The following LRRC4C variants were observed in gnomAD, a reference collection of about 807,000 sequenced individuals.
LRRC4C encodes leucine-rich repeat-containing protein 4C.
In LRRC4C, 5 loss-of-function variants were observed where a neutral mutation model predicts 33.6. The ratio of observed to expected loss-of-function variants is 0.15; its 90% CI spans 0.08 to 0.31. The LOEUF is 0.31. Among genes scored for constraint, LRRC4C ranks in the 10% least tolerant of loss-of-function variants. The pLI is 1.00. For synonymous variants in LRRC4C, 329 were observed against 302.0 expected (o/e 1.09, Z -0.93); for missense variants, 560 against 796.7 (o/e 0.70, Z 3.58).
chr11:40,584,737 GC>G lies in LRRC4C; in HGVS notation c.-270+63404del, dbSNP rs539153346. ...AGCTGAGGTCAGGAGTTGAAGAACA[GC>G]CTGGCCAATATGGTAAAACCCCATC... On this transcript the variant is annotated intron_variant, in intron 3 of 6. Transcript: ENST00000528697. 3.3e-3 allele frequency among the ~76,000 whole-genome samples: 506 copies of G among 151,986 alleles called. 4 individuals are homozygous for G. The highest frequency in any genetic ancestry group is 0.012 in the African/African-American group (485 of 41,478).
Position 41,062,930 on chromosome 11 carries a change from TGA to T in LRRC4C, c.-495-129209_-495-129208del, listed in dbSNP as rs149010920. 3.8e-3 allele frequency among the ~76,000 whole-genome samples: 566 copies of T among 147,528 alleles called. 4 individuals carry two copies. Among genetic ancestry groups the T allele is most frequent in the South Asian group, 0.032 (150 of 4,668 alleles). On this transcript the variant is annotated intron_variant, in intron 1 of 6. Transcript: ENST00000528697. ...AAGGATTTCTAGCAACCACCAGAAA[TGA>T]GAGAGAGAGAGAGAGAGAGTGAGCC... is the stretch of plus-strand genomic sequence containing the variant.
chr11:40,875,087 A>G (rs1157898648), intron 2 of LRRC4C, among the ~76,000 whole-genome samples: 1 of 152,188 alleles, frequency 6.6e-6, no homozygotes, highest in Non-Finnish European at 1.5e-5. Flanking sequence ...AACATTTATT[A>G]TTATTATTTT....
At chr11:40,971,396 G>C (rs1851717840) in intron 1 of LRRC4C, among the ~76,000 whole-genome samples, 1 of 152,214 alleles carries the variant, frequency 6.6e-6, no homozygotes, top group Non-Finnish European at 1.5e-5. Flanking sequence ...AGAGCAAGCT[G>C]TAAGTCTGTT....
At chr11:40,950,733 G>A (rs939666260) in intron 1 of LRRC4C, among the ~76,000 whole-genome samples, 3 of 151,954 alleles carry the variant, frequency 2.0e-5, no homozygotes, top group Non-Finnish European at 4.4e-5. Context: ...ACCCAAGTAA[G>A]TTTATTTCCC....
chr11:40,823,597 G>A (rs527296979), intron 2 of LRRC4C, among the ~76,000 whole-genome samples: 2 of 151,698 alleles, frequency 1.3e-5, no homozygotes, highest in Admixed American at 6.6e-5. Context: ...ACATGAAAAT[G>A]TTCAGCATCT....
chr11:41,324,423 T>G (rs972355464), intron 1 of LRRC4C, among the ~76,000 whole-genome samples: 4 of 151,976 alleles, frequency 2.6e-5, no homozygotes, highest in East Asian at 3.9e-4. Flanking sequence ...AGAGTGAAAC[T>G]CCCTCTCAAA....
chr11:40,979,203 T>C (rs1852320768), intron 1 of LRRC4C, among the ~76,000 whole-genome samples: 2 of 152,172 alleles, frequency 1.3e-5, no homozygotes, highest in Non-Finnish European at 2.9e-5. Context: ...TGCAGTATCT[T>C]CCCTCATAAT....
intron 2 of LRRC4C, among the ~76,000 whole-genome samples, chr11:40,678,989 C>G (rs1380414149): frequency 5.3e-5 from 8 of 152,120 alleles, no homozygotes; most frequent in Admixed American, 4.6e-4. Context: ...TTGGAACTCC[C>G]TACACACTTG....
At chr11:40,391,889 A>C (rs558077412) in intron 3 of LRRC4C, among the ~76,000 whole-genome samples, 124 of 152,330 alleles carry the variant, frequency 8.1e-4, no homozygotes, top group African/African-American at 2.9e-3. Context: ...AATTGGAAAC[A>C]ATCAAGCTGT....
intron 1 of LRRC4C, among the ~76,000 whole-genome samples, chr11:41,392,295 C>T (rs928215542): frequency 6.6e-6 from 1 of 151,786 alleles, no homozygotes; most frequent in African/African-American, 2.4e-5. Context: ...CCTCTTTTTG[C>T]ATCTTGAATG....
At chr11:41,339,984 A>C (rs1309715496) in intron 1 of LRRC4C, among the ~76,000 whole-genome samples, 1 of 152,232 alleles carries the variant, frequency 6.6e-6, no homozygotes, top group African/African-American at 2.4e-5. Flanking sequence ...ATATATGTGA[A>C]GGGCTCCAGA....
At chr11:41,330,568 A>G (rs955561804) in intron 1 of LRRC4C, among the ~76,000 whole-genome samples, 1 of 151,872 alleles carries the variant, frequency 6.6e-6, no homozygotes, top group African/African-American at 2.4e-5. Flanking sequence ...TCAGATGCAG[A>G]TTGTTTTTTC....
At chr11:41,023,630 A>C (rs1008590016) in intron 1 of LRRC4C, among the ~76,000 whole-genome samples, 3 of 151,794 alleles carry the variant, frequency 2.0e-5, no homozygotes, top group African/African-American at 7.2e-5. Flanking sequence ...AGCCAGGAGA[A>C]TATATTAAAA....
chr11:41,284,199 A>C (rs779090254), intron 1 of LRRC4C, among the ~76,000 whole-genome samples: 1 of 152,238 alleles, frequency 6.6e-6, no homozygotes, highest in Non-Finnish European at 1.5e-5. Flanking sequence ...TCCCAAGTTT[A>C]CTATACTTAC....
At chr11:40,350,551 C>G (rs1947336607) in intron 3 of LRRC4C, among the ~76,000 whole-genome samples, 1 of 152,020 alleles carries the variant, frequency 6.6e-6, no homozygotes, top group Non-Finnish European at 1.5e-5. Context: ...GTTCTTTTTG[C>G]TCAGAATGGC....
intron 2 of LRRC4C, among the ~76,000 whole-genome samples, chr11:40,667,686 G>A (rs1943886912): frequency 6.6e-6 from 1 of 152,172 alleles, no homozygotes; most frequent in Non-Finnish European, 1.5e-5. Context: ...GCCCAGAGTG[G>A]CCCCTGGCTG....
At position 41,026,959 on chromosome 11, in the gene LRRC4C, A is replaced by G. The variant is rs150564645; in HGVS notation, c.-495-93236T>C. The stretch of plus-strand genomic sequence containing the variant: ...TTATTAAGATACTTCCTTTATTGCA[A>G]TGTTCTGGAACCAAACGCACACTCT... On this transcript the variant is annotated intron_variant, in intron 1 of 6. Transcript: ENST00000528697. 2.0e-5 allele frequency among the ~76,000 whole-genome samples: 3 copies of G among 151,800 alleles called. No homozygotes were observed. In the East Asian group the frequency reaches 5.8e-4, roughly 30 times the overall value.
chr11:41,093,876 G>C (rs1436385491), intron 1 of LRRC4C, among the ~76,000 whole-genome samples: 2 of 147,714 alleles, frequency 1.4e-5, no homozygotes, highest in Non-Finnish European at 3.0e-5. Flanking sequence ...CGGATCACAA[G>C]GTCAGGAGAT....
At chr11:41,204,112 G>A (rs1018674879) in intron 1 of LRRC4C, among the ~76,000 whole-genome samples, 1 of 152,118 alleles carries the variant, frequency 6.6e-6, no homozygotes, top group Non-Finnish European at 1.5e-5. Context: ...GACAGGAAAA[G>A]CAATTTGAGT....
Sources: gnomAD v4.1 joint callset for allele counts (sites outside exome capture counted in the v4.1 genomes callset) on GRCh38, gnomAD v4.1.1 for gene constraint, MANE v1.5 for transcripts, NCBI Gene and HGNC (gene_info 2026-07-23, HGNC 2026-07-21) for gene names.